SUGCT: variants seen among roughly 807,000 people sequenced by gnomAD.
SUGCT encodes the protein succinyl-CoA:glutarate-CoA transferase.
Under a neutral mutation model 55.0 loss-of-function variants are expected in SUGCT, and 41 were observed. That is an observed-to-expected ratio of 0.74 (90% CI 0.58 to 0.97). SUGCT has a LOEUF of 0.97. SUGCT is among the 50% of genes least tolerant of loss of function. The pLI, the probability that SUGCT is intolerant of heterozygous loss-of-function variation, is 0.00. For missense variants in SUGCT, 568 were observed against 547.8 expected, an observed-to-expected ratio of 1.04 and a Z score of -0.37; for synonymous variants, 187 against 200.4, an observed-to-expected ratio of 0.93 and a Z score of 0.56.
intron 12 of SUGCT, among the ~76,000 whole-genome samples, chr7:40,659,083 A>T (rs1194566706): frequency 6.6e-6 from 1 of 152,008 alleles, no homozygotes. Context: ...GAATGCACTC[A>T]CACTTCTGGG....
At chr7:40,834,395 C>T (rs1051862444) in intron 13 of SUGCT, among the ~76,000 whole-genome samples, 1 of 152,118 alleles carries the variant, frequency 6.6e-6, no homozygotes, top group Non-Finnish European at 1.5e-5. Flanking sequence ...ATGATTTTTC[C>T]ACCAGAAGTA....
chr7:40,750,397 G>T (rs1286456184), intron 13 of SUGCT, among the ~76,000 whole-genome samples: 1 of 152,022 alleles, frequency 6.6e-6, no homozygotes, highest in African/African-American at 2.4e-5. Context: ...AGTGAAATTA[G>T]CTAGGATATA....
intron 7 of SUGCT, among the ~76,000 whole-genome samples, chr7:40,245,575 G>A (rs1210378296): frequency 3.4e-5 from 5 of 146,808 alleles, no homozygotes; most frequent in Non-Finnish European, 6.0e-5. Context: ...GAGTAGCTGG[G>A]ACTACAGGGG....
intron 12 of SUGCT, among the ~76,000 whole-genome samples, chr7:40,635,398 CA>C (rs1426030127): frequency 1.3e-5 from 2 of 151,652 alleles, no homozygotes; most frequent in African/African-American, 4.8e-5. Flanking sequence ...AGAAGAGCAT[CA>C]GGGGATGAAC....
At chr7:40,838,128 G>A (rs1044516948) in intron 13 of SUGCT, among the ~76,000 whole-genome samples, 5 of 152,066 alleles carry the variant, frequency 3.3e-5, no homozygotes, top group African/African-American at 1.2e-4. Context: ...TCGCTCCACT[G>A]GTACTACATG....
intron 8 of SUGCT, among the ~76,000 whole-genome samples, chr7:40,307,766 A>C (rs1166236257): frequency 1.3e-5 from 2 of 151,978 alleles, no homozygotes; most frequent in Non-Finnish European, 2.9e-5. Flanking sequence ...AATATACCTT[A>C]TGTACTCTGG....
the SUGCT span, among the ~76,000 whole-genome samples, chr7:40,898,188 C>G: frequency 1.3e-5 from 2 of 152,152 alleles, no homozygotes; most frequent in South Asian, 4.1e-4. Flanking sequence ...CTGAACAACT[C>G]TGGACGTGCC....
In SUGCT at chr7:40,250,931, G is replaced by A. The variant is rs572739318; in HGVS notation, c.576+13205G>A. On this transcript the variant is annotated intron_variant, in intron 7 of 13. Coordinates refer to ENST00000335693, the MANE Select transcript of SUGCT (RefSeq NM_001193313.2). ...AGCTCACTGCAACCTCTGCCTCCCG[G>A]GTTCAAGCGATTTTCCTGTCTCAGC... Among the ~76,000 whole-genome samples, 10 of 150,704 alleles carry A rather than the reference G, an allele frequency of 6.6e-5. No homozygotes were observed. The East Asian group carries it at 1.8e-3, about 27-fold the overall frequency.
chr7:40,978,959 CTT>C, the SUGCT span, among the ~76,000 whole-genome samples: 1 of 152,202 alleles, frequency 6.6e-6, no homozygotes, highest in Non-Finnish European at 1.5e-5. Flanking sequence ...ACAAAGATCA[CTT>C]TGGCTGACAG....
chr7:40,311,462 A>C (rs1795146737), intron 8 of SUGCT, among the ~76,000 whole-genome samples: 1 of 152,240 alleles, frequency 6.6e-6, no homozygotes, highest in Non-Finnish European at 1.5e-5. Flanking sequence ...ATGTGCAAAG[A>C]ATGGCTCCTT....
In SUGCT at chr7:40,439,036, GTA is replaced by G. The variant is rs777782149; in HGVS notation, c.817-10239_817-10238del. On this transcript the variant is annotated intron_variant, in intron 9 of 13. Transcript: ENST00000335693. ...ATTGTGTGTGTGTATATATAATATG[GTA>G]TATATATATATGGTATATATATGGT... Among the ~76,000 whole-genome samples the G allele has an allele frequency of 4.2e-3, 416 of 99,664 alleles. 10 individuals are homozygous for G. The highest frequency in any genetic ancestry group is 0.03 in the Admixed American group (250 of 8,294). The allele number at this position is 99,664 out of a possible 152,430, so 65.4% of individuals were successfully genotyped here.
intron 12 of SUGCT, among the ~76,000 whole-genome samples, chr7:40,615,249 T>C (rs1798945303): frequency 6.6e-6 from 1 of 152,020 alleles, no homozygotes; most frequent in Admixed American, 6.6e-5. Context: ...TTTTCAAAGA[T>C]TTTTTTTCTT....
intron 12 of SUGCT, among the ~76,000 whole-genome samples, chr7:40,534,573 C>T (rs780781279): frequency 4.6e-5 from 7 of 152,052 alleles, no homozygotes; most frequent in Non-Finnish European, 1.0e-4. Context: ...CATGTGCCGC[C>T]GTGCCCAGCT....
the SUGCT span, among the ~76,000 whole-genome samples, chr7:41,005,853 C>G: frequency 2.0e-5 from 3 of 152,162 alleles, no homozygotes; most frequent in African/African-American, 7.2e-5. Context: ...GTGACTAGCC[C>G]TCAACCTTGT....
chr7:40,278,763 TC>T (rs1792721238), intron 8 of SUGCT, among the ~76,000 whole-genome samples: 1 of 151,976 alleles, frequency 6.6e-6, no homozygotes. Context: ...TCCCTCTCCC[TC>T]CCTTTTATCC....
intron 7 of SUGCT, among the ~76,000 whole-genome samples, chr7:40,254,552 C>A (rs1790666943): frequency 6.6e-6 from 1 of 151,724 alleles, no homozygotes; most frequent in Non-Finnish European, 1.5e-5. Context: ...TACCACCACA[C>A]CCAGCTAATT....
chr7:40,948,382 C>A, the SUGCT span, among the ~76,000 whole-genome samples: 1 of 151,996 alleles, frequency 6.6e-6, no homozygotes, highest in African/African-American at 2.4e-5. Flanking sequence ...TGAAATGTAA[C>A]CCACAAACAG....
intron 12 of SUGCT, among the ~76,000 whole-genome samples, chr7:40,502,934 G>A (rs935461498): frequency 2.9e-4 from 44 of 152,218 alleles, no homozygotes; most frequent in African/African-American, 1.0e-3. Flanking sequence ...TATGGAGTAC[G>A]TAATTAGCAT....
chr7:40,741,970 G>C (rs1436970716), intron 12 of SUGCT, among the ~76,000 whole-genome samples: 1 of 152,200 alleles, frequency 6.6e-6, no homozygotes, highest in Non-Finnish European at 1.5e-5. Flanking sequence ...TTTGGGGATA[G>C]AAGAGGGAGG....
Sources: allele counts gnomAD v4.1 joint callset (sites outside exome capture counted in the v4.1 genomes callset), GRCh38; gene constraint gnomAD v4.1.1; transcripts MANE v1.5; gene names NCBI Gene and HGNC (gene_info 2026-07-23, HGNC 2026-07-21).